Variants in BAIAP2L2 observed in about 807,000 individuals in gnomAD.
The protein encoded by BAIAP2L2 is BAR/IMD domain-containing adapter protein 2-like 2.
Under a neutral mutation model 60.4 loss-of-function variants are expected in BAIAP2L2, and 65 were observed. The observed-to-expected ratio is 1.08, with a 90% CI of 0.88 to 1.32. The LOEUF is 1.32. Ranked by LOEUF, BAIAP2L2 falls within the 40% of genes most tolerant of loss-of-function variation. BAIAP2L2 has a pLI of 0.00. For missense variants in BAIAP2L2, 836 were observed against 741.2 expected, an observed-to-expected ratio of 1.13 and a Z score of -1.48; for synonymous variants, 344 against 301.7, an observed-to-expected ratio of 1.14 and a Z score of -1.45.
chr22:38,101,979 C>T (rs1334717166), intron 4 of BAIAP2L2, among the ~76,000 whole-genome samples: 1 of 152,164 alleles, frequency 6.6e-6, no homozygotes, highest in Non-Finnish European at 1.5e-5. Flanking sequence ...AAAATCAGCA[C>T]CGGCTGTGAG....
chr22:38,098,412 T>G lies in BAIAP2L2; in HGVS notation c.347A>C (p.Lys116Thr). The G allele has an allele frequency of 1.2e-6, 2 of 1,613,816 alleles. No homozygotes were observed. The change falls in exon 5 of 14, where the codon AAA becomes ACA. Residue 116 changes from lysine to threonine, a missense_variant and splice_region_variant. Transcript: ENST00000381669. ...KNTKLDMQFI[K>T]DSRQHYELEY... ...GCCGAGTGGGGAGGCCAGACTCACT[T>G]TGATGAACTGCATGTCCAGCTTGGT...
At chr22:38,089,373 A>ATGC in intron 8 of BAIAP2L2, 142 bp from the exon 9 acceptor site, 1 of 557,832 alleles carries the variant, frequency 1.8e-6, no homozygotes. Flanking sequence ...GGGCGCGGAG[A>ATGC]ACGCGCCGGG....
intron 10 of BAIAP2L2, among the ~76,000 whole-genome samples, chr22:38,088,283 C>T (rs1054421460): frequency 6.6e-6 from 1 of 152,216 alleles, no homozygotes; most frequent in African/African-American, 2.4e-5. Flanking sequence ...TCCTCCTCCA[C>T]GTCAAGTGTC....
intron 10 of BAIAP2L2, among the ~76,000 whole-genome samples, chr22:38,087,839 C>T (rs1393383801): frequency 6.6e-6 from 1 of 151,196 alleles, no homozygotes; most frequent in Non-Finnish European, 1.5e-5. Flanking sequence ...CCATCAGTGT[C>T]TGTCCACCAC....
At chr22:38,108,092 A>G (rs974773470) in intron 3 of BAIAP2L2, among the ~76,000 whole-genome samples, 163 bp downstream of exon 3, 1 of 152,214 alleles carries the variant, frequency 6.6e-6, no homozygotes, top group African/African-American at 2.4e-5. Context: ...GCCTGGGAGC[A>G]GCCCGGCAGG....
rs749863021 is a variant in BAIAP2L2 at position 38,087,188 on chromosome 22, T to TGGGGGTCAC, written c.1186_1194dup (p.Val396_Pro398dup). ...GGGGACATGGAGGTCATGGAGGTCA[T>TGGGGGTCAC]GGGGGTCACGGGGGTCATGGGATTC... On this transcript the variant is annotated inframe_insertion, in exon 11 of 14. Transcript: ENST00000381669. 1.0e-3 allele frequency: 1,631 copies of TGGGGGTCAC among 1,601,116 alleles called. 7 individuals carry two copies. Among genetic ancestry groups the TGGGGGTCAC allele is most frequent in the East Asian group, 2.5e-3 (112 of 44,238 alleles).
intron 4 of BAIAP2L2, among the ~76,000 whole-genome samples, chr22:38,106,876 G>A (rs1290311740): frequency 6.6e-6 from 1 of 152,168 alleles, no homozygotes; most frequent in Admixed American, 6.5e-5. Context: ...AGCCCTGCTT[G>A]GCGGAAGGCC....
At chr22:38,093,134 C>G (rs1415502174) in intron 7 of BAIAP2L2, among the ~76,000 whole-genome samples, 1 of 151,988 alleles carries the variant, frequency 6.6e-6, no homozygotes, top group Non-Finnish European at 1.5e-5. Context: ...CCACTGCACT[C>G]CAGCCTGAGC....
Position 38,089,161 on chromosome 22 carries a change from GGCTCGGTGCC to G in BAIAP2L2, c.826_835del (p.Gly276ProfsTer9), listed in dbSNP as rs2086200371. 1 of 1,338,850 alleles carries G rather than the reference GGCTCGGTGCC, an allele frequency of 7.5e-7. No individual in the cohort carries two copies. The highest frequency in any genetic ancestry group is 2.0e-5 in the South Asian group (1 of 50,854). 82.9% of individuals were successfully genotyped at this position (1,338,850 alleles called of 1,614,324 possible). ...TAGCTGGGACGCGGGCCTCGCGTCGGGCTCGGTGCCGTAGGAGCCGGAGCCGTGCCGGCTG... is the reference window on the plus strand; with the variant it reads ...TAGCTGGGACGCGGGCCTCGCGTCGGGTAGGAGCCGGAGCCGTGCCGGCTG... On this transcript the variant is annotated frameshift_variant, in exon 9 of 14. Coordinates refer to ENST00000381669, the MANE Select transcript of BAIAP2L2 (RefSeq NM_025045.6). LOFTEE classifies it high-confidence loss of function.
At chr22:38,087,684 G>A (rs78598199) in intron 10 of BAIAP2L2, among the ~76,000 whole-genome samples, 1,871 of 151,862 alleles carry the variant, frequency 0.012, 39 homozygotes, top group African/African-American at 0.044. Context: ...TGTCCCTGTG[G>A]TCACCCGCCC....
intron 1 of BAIAP2L2, among the ~76,000 whole-genome samples, chr22:38,110,033 C>G (rs1193206681): frequency 1.9e-5 from 1 of 52,682 alleles, no homozygotes; most frequent in Non-Finnish European, 3.8e-5. Flanking sequence ...ATGAGAGAGA[C>G]AGAGACAGGG....
intron 1 of BAIAP2L2, among the ~76,000 whole-genome samples, chr22:38,109,469 G>T (rs1409016407): frequency 6.6e-6 from 1 of 152,156 alleles, no homozygotes; most frequent in Non-Finnish European, 1.5e-5. Context: ...GTCTGCTCTG[G>T]CGGGACCGAG....
At chr22:38,089,896 G>A (rs909036063) in intron 7 of BAIAP2L2, among the ~76,000 whole-genome samples, 2 of 151,896 alleles carry the variant, frequency 1.3e-5, no homozygotes, top group Admixed American at 6.6e-5. Context: ...CTGACCCCCC[G>A]CTTCCCGCGT....
At chr22:38,091,952 C>T (rs1354792598) in intron 7 of BAIAP2L2, among the ~76,000 whole-genome samples, 1 of 152,142 alleles carries the variant, frequency 6.6e-6, no homozygotes, top group Non-Finnish European at 1.5e-5. Context: ...ACCATTTTTA[C>T]CTTTCTAATT....
At position 38,089,088 on chromosome 22, in the gene BAIAP2L2, G is replaced by C. The variant is rs1212481058; in HGVS notation, c.901+8C>G. 3 of 1,379,596 alleles carry C rather than the reference G, an allele frequency of 2.2e-6. No homozygotes were observed. The highest frequency in any genetic ancestry group is 1.5e-5 in the African/African-American group (1 of 65,166). 85.5% of individuals were successfully genotyped at this position (1,379,596 alleles called of 1,614,324 possible). A position where few individuals can be genotyped will look rare whatever the true frequency, so the allele number is the denominator to read the frequency against. ...GCCCTCCTGCCGCCCCGGGGCGGGGGCACTCACAGGCCGACGGCGTGCGGG... is the reference window on the plus strand; with the variant it reads ...GCCCTCCTGCCGCCCCGGGGCGGGGCCACTCACAGGCCGACGGCGTGCGGG... On this transcript the variant is annotated splice_region_variant and intron_variant, in intron 9 of 13. Transcript: ENST00000381669.
chr22:38,086,259 C>G lies in BAIAP2L2; in HGVS notation c.1450G>C (p.Val484Leu). Reference protein sequence around the residue: ...SRRSSMGSTAVATDVKKLMSS... With the variant: ...SRRSSMGSTALATDVKKLMSS... ...GGGCTCACCTTGACGTCAGTGGCAACTGCTGTGCTGCCCATGCTGCTGCGG... is the reference window on the plus strand; with the variant it reads ...GGGCTCACCTTGACGTCAGTGGCAAGTGCTGTGCTGCCCATGCTGCTGCGG... The change falls in exon 12 of 14, where the codon GTT becomes CTT. Residue 484 changes from valine (V) to leucine (L), a missense_variant. Physicochemically the swap from Val to Leu is conservative, Grantham distance 32 (BLOSUM62 1). Coordinates refer to ENST00000381669, the MANE Select transcript of BAIAP2L2 (RefSeq NM_025045.6). The G allele has an allele frequency of 2.5e-6, 4 of 1,611,670 alleles. No homozygotes were observed.
intron 2 of BAIAP2L2, 33 bp from the exon 3 acceptor site, chr22:38,108,374 C>T (rs2086712956): frequency 6.5e-7 from 1 of 1,534,216 alleles, no homozygotes; most frequent in African/African-American, 1.4e-5. Flanking sequence ...CTGGTCCAGC[C>T]CTGCCTCTGC....
Position 38,088,783 on chromosome 22 carries a change from G to A in BAIAP2L2, c.1083C>T (p.Asn361=), listed in dbSNP as rs762461084. Residue 361 remains asparagine (N), a synonymous_variant, in exon 10 of 14, where the codon AAC becomes AAT. Coordinates refer to ENST00000381669, the MANE Select transcript of BAIAP2L2 (RefSeq NM_025045.6). ...CCTCCAGCTTGCCGTAGAGCCAGCC[G>A]TTCTGGGCCTCGGGCACCAACACCT... ...VVEVLVPEAQ[N]GWLYGKLEGS... The A allele has an allele frequency of 1.4e-5, 23 of 1,600,978 alleles. No homozygotes were observed. The highest frequency in any genetic ancestry group is 6.7e-5 in the Admixed American group (4 of 59,918).
chr22:38,101,371 TAAAAAAAAAAAAAAAAAA>T (rs529893934), intron 4 of BAIAP2L2, among the ~76,000 whole-genome samples: 2 of 80,756 alleles, frequency 2.5e-5, no homozygotes, highest in African/African-American at 1.1e-4. Context: ...TGTCTCTACA[TAAAAAAAAAAAAAAAAAA>T]AAAAAAAAAA....
Sources: gnomAD v4.1 joint callset for allele counts (sites outside exome capture counted in the v4.1 genomes callset) on GRCh38, gnomAD v4.1.1 for gene constraint, MANE v1.5 for transcripts, NCBI Gene and HGNC (gene_info 2026-07-23, HGNC 2026-07-21) for gene names.